SHANK2: variants seen among roughly 807,000 people sequenced by gnomAD.
SHANK2 encodes the protein SH3 and multiple ankyrin repeat domains 2, also known as SH3 and multiple ankyrin repeat domains protein 2.
A neutral mutation model predicts 133.7 loss-of-function variants in SHANK2; 43 were observed. The ratio of observed to expected loss-of-function variants is 0.32; its 90% CI spans 0.25 to 0.41. SHANK2 has a LOEUF of 0.41. Among genes scored for constraint, SHANK2 ranks in the 10% least tolerant of loss-of-function variants. The pLI is 1.00. For synonymous variants in SHANK2, 1,017 were observed against 952.8 expected, an observed-to-expected ratio of 1.07 and a Z score of -1.24; for missense variants, 1,994 against 2,235.8, an observed-to-expected ratio of 0.89 and a Z score of 2.18.
At chr11:71,066,123 A>G (rs2135951278) in intron 9 of SHANK2, among the ~76,000 whole-genome samples, 2 of 115,158 alleles carry the variant, frequency 1.7e-5, no homozygotes, top group Admixed American at 9.9e-5. Flanking sequence ...TCCCAGGGAG[A>G]TGAGCAGTGA....
intron 10 of SHANK2, among the ~76,000 whole-genome samples, chr11:70,921,730 C>T (rs1191618979): frequency 3.3e-5 from 5 of 152,180 alleles, no homozygotes; most frequent in African/African-American, 1.2e-4. Flanking sequence ...AACTACAACC[C>T]AGCCTTGACT....
At chr11:70,825,677 C>T (rs546370250) in intron 11 of SHANK2, among the ~76,000 whole-genome samples, 4 of 152,154 alleles carry the variant, frequency 2.6e-5, no homozygotes, top group Non-Finnish European at 4.4e-5. Flanking sequence ...AAGTACCTTC[C>T]TCATTTCTCT....
At chr11:70,636,995 G>A (rs973628052) in intron 17 of SHANK2, among the ~76,000 whole-genome samples, 4 of 152,082 alleles carry the variant, frequency 2.6e-5, no homozygotes, top group South Asian at 2.1e-4. Context: ...TCAGTCTGGC[G>A]GCGGGAAGTC....
chr11:71,252,131 G>T lies in SHANK2; in HGVS notation c.-113+294C>A, dbSNP rs1159318365. On this transcript the variant is annotated intron_variant, in intron 1 of 25. Transcript: ENST00000601538. The surrounding 1 kb of genome is among the most constrained non-coding windows in gnomAD (Gnocchi z 6.3). ...GGAGATAAAGCGGGGGCTCCTTCCT[G>T]CGCTCTGCCCCCACGCCGCTTCCAA... 1.3e-5 allele frequency among the ~76,000 whole-genome samples: 2 copies of T among 152,178 alleles called. No individual in the cohort carries two copies. Among genetic ancestry groups the T allele is most frequent in the African/African-American group, 4.8e-5 (2 of 41,458 alleles).
chr11:70,845,981 G>A (rs1208632940), intron 11 of SHANK2, among the ~76,000 whole-genome samples: 2 of 152,204 alleles, frequency 1.3e-5, no homozygotes, highest in Admixed American at 1.3e-4. Context: ...TCCCGACACT[G>A]GAGAAACAGG....
At chr11:70,670,860 C>A (rs1944786607) in intron 15 of SHANK2, among the ~76,000 whole-genome samples, 1 of 152,210 alleles carries the variant, frequency 6.6e-6, no homozygotes, top group South Asian at 2.1e-4. Flanking sequence ...AGGAGCCACT[C>A]TCACCCACAG....
chr11:71,235,321 C>T lies in SHANK2; in HGVS notation c.-112-10525G>A, dbSNP rs1348790171. Among the ~76,000 whole-genome samples the T allele has an allele frequency of 3.9e-5, 6 of 152,102 alleles. No individual in the cohort carries two copies. The South Asian group carries it at 6.2e-4, about 16-fold the overall frequency. ...TAAAAACTCTTGCACAGGACGGGCA[C>T]GGTGGCTCACACCTGTAATCCCAGC... On this transcript the variant is annotated intron_variant, in intron 1 of 25. Transcript: ENST00000601538.
intron 2 of SHANK2, among the ~76,000 whole-genome samples, chr11:71,150,350 G>T (rs1252221689): frequency 9.5e-6 from 1 of 105,448 alleles, no homozygotes; most frequent in Non-Finnish European, 2.0e-5. Context: ...GGGACAGGGA[G>T]GGAGGGAGGG....
Position 70,807,411 on chromosome 11 carries a change from G to A in SHANK2, c.1494-240C>T, listed in dbSNP as rs1237864189. On this transcript the variant is annotated intron_variant, in intron 12 of 25. Transcript: ENST00000601538. This position sits in a 1 kb window ranked among gnomAD's most constrained non-coding sequence, Gnocchi z 4.8. ...GCACAGACAGAAAGCTGCCACTCGGGGAGACGTCTGCACACCTGCGTTCAC... is the reference window on the plus strand; with the variant it reads ...GCACAGACAGAAAGCTGCCACTCGGAGAGACGTCTGCACACCTGCGTTCAC... Among the ~76,000 whole-genome samples, 1 of 152,204 alleles carries A rather than the reference G, an allele frequency of 6.6e-6. No homozygotes were observed. The highest frequency in any genetic ancestry group is 1.5e-5 in the Non-Finnish European group (1 of 68,026).
chr11:71,064,743 G>C (rs1358646001), intron 9 of SHANK2, among the ~76,000 whole-genome samples: 1 of 152,112 alleles, frequency 6.6e-6, no homozygotes, highest in Non-Finnish European at 1.5e-5. Flanking sequence ...CCCGGGATGA[G>C]AGGGACGGTG....
chr11:70,661,965 G>A, intron 15 of SHANK2: 2 of 694,584 alleles, frequency 2.9e-6, no homozygotes, highest in Admixed American at 2.2e-5. Flanking sequence ...GGCTGCCTGA[G>A]GGATGGCTGA....
intron 17 of SHANK2, among the ~76,000 whole-genome samples, chr11:70,617,494 C>CA (rs34014189): frequency 6.6e-6 from 1 of 151,934 alleles, no homozygotes; most frequent in African/African-American, 2.4e-5. Flanking sequence ...TTTGTCAAAA[C>CA]GGGCAGTCAG....
chr11:70,511,361 T>C (rs1363445188), intron 17 of SHANK2, among the ~76,000 whole-genome samples: 1 of 152,218 alleles, frequency 6.6e-6, no homozygotes, highest in African/African-American at 2.4e-5. Context: ...TAACCTGCAA[T>C]GAGACTTTGG....
chr11:71,101,437 T>C (rs1044900918), intron 6 of SHANK2, among the ~76,000 whole-genome samples: 5 of 152,246 alleles, frequency 3.3e-5, no homozygotes, highest in Non-Finnish European at 7.3e-5. Context: ...CAGGTCTCTT[T>C]TTATGAGAAA....
chr11:70,672,060 C>CTTTTTTTT (rs201865483), intron 15 of SHANK2, among the ~76,000 whole-genome samples: 3 of 120,934 alleles, frequency 2.5e-5, no homozygotes, highest in East Asian at 2.2e-4. Context: ...CTTTTCTTTT[C>CTTTTTTTT]TTTTTCTTTT....
intron 25 of SHANK2, among the ~76,000 whole-genome samples, chr11:70,483,452 A>C (rs1719377892): frequency 6.8e-6 from 1 of 147,984 alleles, no homozygotes; most frequent in Non-Finnish European, 1.5e-5. Context: ...CAATCCCAGC[A>C]CTTTGGGAGG....
chr11:70,625,810 G>GAAAAAAAAAA (rs34147403), intron 17 of SHANK2, among the ~76,000 whole-genome samples: 6 of 41,396 alleles, frequency 1.4e-4, no homozygotes, highest in African/African-American at 3.3e-4. Context: ...GTGCAAAAAT[G>GAAAAAAAAAA]AAAAAAAAAA....
At chr11:70,762,604 T>C (rs1321142080) in intron 14 of SHANK2, among the ~76,000 whole-genome samples, 3 of 152,048 alleles carry the variant, frequency 2.0e-5, no homozygotes, top group African/African-American at 7.2e-5. Context: ...GATGGTCCAG[T>C]ACAGAGGTGC....
At chr11:71,247,717 C>T (rs980208299) in intron 1 of SHANK2, among the ~76,000 whole-genome samples, 11 of 152,096 alleles carry the variant, frequency 7.2e-5, no homozygotes, top group Admixed American at 2.0e-4. Flanking sequence ...ATTTCTGGGA[C>T]GGGGAGCCAG....
Sources: gnomAD v4.1 joint callset for allele counts (sites outside exome capture counted in the v4.1 genomes callset) on GRCh38, gnomAD v4.1.1 for gene constraint, Gnocchi (gnomAD v3.1) non-coding constraint, MANE v1.5 for transcripts, NCBI Gene and HGNC (gene_info 2026-07-23, HGNC 2026-07-21) for gene names.